RHOU: variants seen among roughly 807,000 people sequenced by gnomAD.
RHOU encodes the protein rho-related GTP-binding protein RhoU.
A neutral mutation model predicts 12.6 loss-of-function variants in RHOU; 8 were observed. The observed-to-expected ratio is 0.64, with a 90% CI of 0.37 to 1.15. RHOU has a LOEUF of 1.15. Among genes scored for constraint, RHOU ranks in the 50% most tolerant of loss-of-function variants. RHOU has a pLI of 0.01. For synonymous variants in RHOU, 161 were observed against 147.4 expected, an observed-to-expected ratio of 1.09 and a Z score of -0.67; for missense variants, 258 against 347.0, an observed-to-expected ratio of 0.74 and a Z score of 2.04.
the RHOU span, among the ~76,000 whole-genome samples, chr1:228,707,105 C>CATATATATATATAT: frequency 2.1e-4 from 15 of 70,810 alleles, no homozygotes; most frequent in African/African-American, 5.2e-4. Flanking sequence ...TATATACATA[C>CATATATATATATAT]ATATATATAT....
the RHOU span, among the ~76,000 whole-genome samples, chr1:228,709,076 T>G: frequency 6.6e-6 from 1 of 152,060 alleles, no homozygotes; most frequent in Non-Finnish European, 1.5e-5. Flanking sequence ...CATTACTTAA[T>G]GGTAAAGGGA....
At chr1:228,677,719 G>T in the RHOU span, among the ~76,000 whole-genome samples, 4 of 152,170 alleles carry the variant, frequency 2.6e-5, no homozygotes, top group African/African-American at 9.7e-5. Context: ...CTTCATCAGG[G>T]TGAAAGTATT....
chr1:228,677,369 G>A, the RHOU span, among the ~76,000 whole-genome samples: 1 of 152,072 alleles, frequency 6.6e-6, no homozygotes, highest in East Asian at 1.9e-4. Flanking sequence ...GTGTCAAAGG[G>A]GGTTCAGCAT....
At chr1:228,671,103 C>T in the RHOU span, among the ~76,000 whole-genome samples, 2 of 152,170 alleles carry the variant, frequency 1.3e-5, no homozygotes, top group Non-Finnish European at 2.9e-5. Flanking sequence ...CTCCCGGGTT[C>T]AAGTGATTCT....
the RHOU span, among the ~76,000 whole-genome samples, chr1:228,649,258 T>G: frequency 3.9e-5 from 6 of 152,102 alleles, no homozygotes; most frequent in African/African-American, 1.4e-4. Context: ...ATTACTAATT[T>G]TGGGCACACA....
the RHOU span, among the ~76,000 whole-genome samples, chr1:228,663,321 C>G: frequency 1.3e-5 from 2 of 152,132 alleles, no homozygotes; most frequent in Non-Finnish European, 2.9e-5. Flanking sequence ...TACAGTGTTT[C>G]AAGTGCTATA....
the RHOU span, among the ~76,000 whole-genome samples, chr1:228,706,990 G>T: frequency 1.4e-4 from 21 of 150,322 alleles, no homozygotes; most frequent in Non-Finnish European, 4.4e-5. Flanking sequence ...GAACGTGGTG[G>T]TGATAATGGG....
the RHOU span, among the ~76,000 whole-genome samples, chr1:228,720,186 G>A: frequency 6.6e-6 from 1 of 152,000 alleles, no homozygotes; most frequent in Admixed American, 6.6e-5. Context: ...AGAAAAAAAA[G>A]GACTCCTATT....
At chr1:228,650,746 T>G in the RHOU span, 6 of 451,730 alleles carry the variant, frequency 1.3e-5, no homozygotes, top group Non-Finnish European at 2.6e-5. Flanking sequence ...CAGCTTATGA[T>G]CAGGGTGGTC....
chr1:228,677,433 G>A, the RHOU span, among the ~76,000 whole-genome samples: 1 of 151,992 alleles, frequency 6.6e-6, no homozygotes, highest in Admixed American at 6.6e-5. Flanking sequence ...TTTTTTTTAT[G>A]TTGTCATATA....
the RHOU span, among the ~76,000 whole-genome samples, chr1:228,655,487 A>C: frequency 6.6e-6 from 1 of 152,218 alleles, no homozygotes; most frequent in Non-Finnish European, 1.5e-5. Flanking sequence ...TAAGAAAATA[A>C]TTCTGGCCCA....
At chr1:228,674,730 T>TA in the RHOU span, among the ~76,000 whole-genome samples, 9 of 150,714 alleles carry the variant, frequency 6.0e-5, no homozygotes, top group African/African-American at 2.0e-4. Context: ...TTCTTTTTTT[T>TA]AAATTTTTTT....
the RHOU span, chr1:228,650,288 G>T: frequency 2.2e-5 from 10 of 464,624 alleles, no homozygotes; most frequent in African/African-American, 7.9e-5. Flanking sequence ...AAGATGCTCC[G>T]CAAGGAGGCA....
the RHOU span, among the ~76,000 whole-genome samples, chr1:228,693,499 C>T: frequency 1.3e-5 from 2 of 152,144 alleles, no homozygotes; most frequent in African/African-American, 4.8e-5. Flanking sequence ...CAGAGTCTCC[C>T]GCTATTGCCT....
chr1:228,672,445 G>A, the RHOU span, among the ~76,000 whole-genome samples: 754 of 152,276 alleles, frequency 5.0e-3, 25 homozygotes, highest in Admixed American at 0.042. Flanking sequence ...TTACAGGCAC[G>A]AGCCACTGTG....
At chr1:228,652,581 A>C in the RHOU span, 1 of 152,242 alleles carries the variant, frequency 6.6e-6, no homozygotes, top group Admixed American at 6.5e-5. Flanking sequence ...TAAAATCAGC[A>C]GACCACATAA....
chr1:228,662,769 A>G, the RHOU span, among the ~76,000 whole-genome samples: 1 of 152,218 alleles, frequency 6.6e-6, no homozygotes, highest in Non-Finnish European at 1.5e-5. Flanking sequence ...AACATGGCAC[A>G]TGTATACCTA....
At chr1:228,671,574 C>T in the RHOU span, among the ~76,000 whole-genome samples, 2 of 151,372 alleles carry the variant, frequency 1.3e-5, no homozygotes, top group Non-Finnish European at 2.9e-5. Context: ...AAAATTAGCC[C>T]AGCATGGTGG....
upstream of RHOU, among the ~76,000 whole-genome samples, chr1:228,734,417 T>C (rs1395278360): frequency 6.6e-6 from 1 of 152,210 alleles, no homozygotes; most frequent in Non-Finnish European, 1.5e-5. Flanking sequence ...GCTCTGGGGC[T>C]AGACTATTTG....
Sources: gnomAD v4.1 joint callset for allele counts (sites outside exome capture counted in the v4.1 genomes callset) on GRCh38, gnomAD v4.1.1 for gene constraint, MANE v1.5 for transcripts, NCBI Gene and HGNC (gene_info 2026-07-23, HGNC 2026-07-21) for gene names.